Variants in GRM7 observed in about 807,000 individuals in gnomAD.
GRM7 encodes metabotropic glutamate receptor 7.
A neutral mutation model predicts 84.5 loss-of-function variants in GRM7; 35 were observed. The ratio of observed to expected loss-of-function variants is 0.41; its 90% CI spans 0.32 to 0.55. The LOEUF (loss-of-function observed/expected upper bound fraction) is 0.55. Ranked by LOEUF, GRM7 falls within the 20% of genes least tolerant of loss-of-function variation. The probability of loss-of-function intolerance (pLI) is 0.19; values close to 1 mark genes in which losing one functional copy is unlikely to be tolerated. For missense variants in GRM7, 1,003 were observed against 1,194.6 expected (o/e 0.84, Z 2.36); for synonymous variants, 487 against 455.1 (o/e 1.07, Z -0.89).
chr3:7,103,766 CTT>C (rs1491493635), intron 1 of GRM7, among the ~76,000 whole-genome samples: 2,810 of 60,014 alleles, frequency 0.047, 218 homozygotes, highest in African/African-American at 0.24. Context: ...TTCTTTCTTT[CTT>C]TCTTTCTTTC....
chr3:7,461,872 C>G (rs780795760), intron 7 of GRM7, 150 bp downstream of exon 7: 15 of 679,566 alleles, frequency 2.2e-5, no homozygotes, highest in Non-Finnish European at 3.6e-5. Flanking sequence ...GAACTGATAT[C>G]CAATAATAAT....
At chr3:7,644,006 G>GTATA (rs1354776392) in intron 8 of GRM7, among the ~76,000 whole-genome samples, 4 of 88,320 alleles carry the variant, frequency 4.5e-5, no homozygotes, top group South Asian at 3.7e-4. Flanking sequence ...TGTGCACCAT[G>GTATA]TATATATATA....
At chr3:7,548,321 CACACTCCAGCTCCGCTTTGCCTTCT>C (rs1391303526) in intron 7 of GRM7, among the ~76,000 whole-genome samples, 1 of 152,230 alleles carries the variant, frequency 6.6e-6, no homozygotes, top group Non-Finnish European at 1.5e-5. Context: ...GGGACCTCTC[CACACTCCAGCTCCGCTTTGCCTTCT>C]GCCCTGAGTG....
chr3:7,460,799 C>T (rs1420928501), intron 6 of GRM7, among the ~76,000 whole-genome samples: 1 of 152,200 alleles, frequency 6.6e-6, no homozygotes, highest in South Asian at 2.1e-4. Flanking sequence ...GGATTCTTTA[C>T]TCATCCAACC....
At chr3:7,640,112 C>T (rs1000815456) in intron 8 of GRM7, among the ~76,000 whole-genome samples, 2 of 152,174 alleles carry the variant, frequency 1.3e-5, no homozygotes, top group Admixed American at 6.6e-5. Flanking sequence ...AGGTTCCACA[C>T]TAATTTATCT....
intron 1 of GRM7, among the ~76,000 whole-genome samples, chr3:6,979,485 G>C (rs535627653): frequency 6.6e-6 from 1 of 152,270 alleles, no homozygotes; most frequent in East Asian, 1.9e-4. Flanking sequence ...GGCAATCATA[G>C]TAATGCACGT....
intron 1 of GRM7, among the ~76,000 whole-genome samples, chr3:7,036,150 A>T (rs1432202448): frequency 6.6e-6 from 1 of 152,172 alleles, no homozygotes; most frequent in Non-Finnish European, 1.5e-5. Flanking sequence ...AGCCTACACT[A>T]TAGAGGTTAT....
At chr3:6,972,047 C>CATT (rs1156626850) in intron 1 of GRM7, among the ~76,000 whole-genome samples, 1 of 152,086 alleles carries the variant, frequency 6.6e-6, no homozygotes, top group African/African-American at 2.4e-5. Flanking sequence ...ACTTAGCAGA[C>CATT]ATTATTATTA....
intron 7 of GRM7, among the ~76,000 whole-genome samples, chr3:7,487,501 T>C (rs985559554): frequency 6.6e-6 from 1 of 152,172 alleles, no homozygotes; most frequent in African/African-American, 2.4e-5. Flanking sequence ...ATGAATCTGC[T>C]GCCCAGGACC....
intron 8 of GRM7, among the ~76,000 whole-genome samples, chr3:7,645,651 G>A (rs760862918): frequency 1.3e-5 from 2 of 151,450 alleles, no homozygotes; most frequent in Non-Finnish European, 2.9e-5. Flanking sequence ...GAGCCACAGA[G>A]TCATAAGACA....
At chr3:7,132,137 T>G (rs2125054155) in intron 1 of GRM7, among the ~76,000 whole-genome samples, 1 of 152,342 alleles carries the variant, frequency 6.6e-6, no homozygotes, top group South Asian at 2.1e-4. Context: ...AGAGTTGTTC[T>G]TTCTTCAGTG....
intron 7 of GRM7, among the ~76,000 whole-genome samples, chr3:7,531,356 A>G (rs1229062961): frequency 6.6e-6 from 1 of 151,814 alleles, no homozygotes; most frequent in Non-Finnish European, 1.5e-5. Flanking sequence ...GCCTTGTAGT[A>G]TATTAGCGGG....
At chr3:6,999,328 T>C (rs2124873376) in intron 1 of GRM7, among the ~76,000 whole-genome samples, 1 of 152,288 alleles carries the variant, frequency 6.6e-6, no homozygotes, top group Middle Eastern at 3.4e-3. Flanking sequence ...TTGGTCAAAG[T>C]CATTCAACAG....
chr3:7,735,991 A>G (rs1006562551), intron 9 of GRM7, among the ~76,000 whole-genome samples: 1 of 152,180 alleles, frequency 6.6e-6, no homozygotes, highest in Admixed American at 6.5e-5. Context: ...ACCAACTTAT[A>G]TTTATACCTT....
At chr3:7,684,224 G>C (rs894220473) in intron 9 of GRM7, among the ~76,000 whole-genome samples, 3 of 152,104 alleles carry the variant, frequency 2.0e-5, no homozygotes, top group African/African-American at 7.2e-5. Flanking sequence ...TTTTGTAACA[G>C]AGATAAATGA....
At chr3:7,157,269 G>T (rs898422517) in intron 2 of GRM7, among the ~76,000 whole-genome samples, 1 of 152,074 alleles carries the variant, frequency 6.6e-6, no homozygotes, top group African/African-American at 2.4e-5. Flanking sequence ...TCCATAAGAT[G>T]GTTATTGTAG....
chr3:7,722,223 T>C (rs550867685), intron 9 of GRM7, among the ~76,000 whole-genome samples: 29 of 152,210 alleles, frequency 1.9e-4, no homozygotes, highest in Non-Finnish European at 3.7e-4. Context: ...ATTTTCCATA[T>C]GCATTCAGAA....
intron 1 of GRM7, among the ~76,000 whole-genome samples, chr3:6,942,586 C>G (rs1191619499): frequency 6.6e-6 from 1 of 152,072 alleles, no homozygotes. Flanking sequence ...GTGCTAAATT[C>G]TATTCCATTG....
At chr3:7,409,409 C>A (rs1013826070) in intron 4 of GRM7, among the ~76,000 whole-genome samples, 2 of 150,518 alleles carry the variant, frequency 1.3e-5, no homozygotes, top group East Asian at 3.9e-4. Flanking sequence ...ATCACTTGTT[C>A]TTGGATAGAT....
Sources: allele counts gnomAD v4.1 joint callset (sites outside exome capture counted in the v4.1 genomes callset), GRCh38; gene constraint gnomAD v4.1.1; transcripts MANE v1.5; gene names NCBI Gene and HGNC (gene_info 2026-07-23, HGNC 2026-07-21).